The following MAP7 variants were observed in gnomAD, a reference collection of about 807,000 sequenced individuals.
MAP7 encodes ensconsin.
In MAP7, 52 loss-of-function variants were observed where a neutral mutation model predicts 94.8. That is an observed-to-expected ratio of 0.55 (90% CI 0.44 to 0.69). MAP7 has a LOEUF of 0.69. MAP7 is among the 30% of genes least tolerant of loss of function. The pLI, the probability that MAP7 is intolerant of heterozygous loss-of-function variation, is 0.00. For synonymous variants in MAP7, 350 were observed against 357.0 expected, an observed-to-expected ratio of 0.98 and a Z score of 0.22; for missense variants, 940 against 964.6, an observed-to-expected ratio of 0.97 and a Z score of 0.34.
At chr6:136,416,674 T>C (rs1279686010) in intron 2 of MAP7, among the ~76,000 whole-genome samples, 1 of 151,846 alleles carries the variant, frequency 6.6e-6, no homozygotes, top group African/African-American at 2.4e-5. Context: ...GGCACAGTGG[T>C]GCACGCCTGT....
chr6:136,426,418 G>T (rs1268730498), intron 1 of MAP7, among the ~76,000 whole-genome samples: 1 of 152,192 alleles, frequency 6.6e-6, no homozygotes, highest in Non-Finnish European at 1.5e-5. Flanking sequence ...TCCTTTGGAG[G>T]AGAGACAGTG....
chr6:136,410,862 G>C (rs1180588771), intron 3 of MAP7, among the ~76,000 whole-genome samples: 1 of 152,198 alleles, frequency 6.6e-6, no homozygotes, highest in Non-Finnish European at 1.5e-5. Context: ...TTGATACCCT[G>C]TCAGTCTAGT....
rs6939397 is a variant in MAP7 at position 136,403,268 on chromosome 6, C to T, written c.244+8352G>A. Among the ~76,000 whole-genome samples, 465 of 152,320 alleles carry T rather than the reference C, an allele frequency of 3.1e-3. 2 individuals carry two copies. The highest frequency in any genetic ancestry group is 0.011 in the African/African-American group (446 of 41,564). ...GACCTGCCATCCTCATCTTTATCACCGTCATCATCATGGTGAGATGTCGTC... is the reference window on the plus strand; with the variant it reads ...GACCTGCCATCCTCATCTTTATCACTGTCATCATCATGGTGAGATGTCGTC... On this transcript the variant is annotated intron_variant, in intron 3 of 17. Coordinates refer to ENST00000354570, the MANE Select transcript of MAP7 (RefSeq NM_003980.6).
intron 16 of MAP7, 106 bp downstream of exon 16, chr6:136,356,586 G>A: frequency 2.5e-6 from 2 of 810,602 alleles, no homozygotes; most frequent in Non-Finnish European, 4.0e-6. Flanking sequence ...AATCAATGAG[G>A]CCCCCCCCAA....
At chr6:136,474,721 C>CTT (rs55694865) in intron 1 of MAP7, among the ~76,000 whole-genome samples, 7 of 145,170 alleles carry the variant, frequency 4.8e-5, no homozygotes, top group African/African-American at 1.5e-4. Flanking sequence ...CAATCTAAAA[C>CTT]TTTTTTTTTT....
At chr6:136,407,414 G>C (rs1349210262) in intron 3 of MAP7, among the ~76,000 whole-genome samples, 11 of 152,172 alleles carry the variant, frequency 7.2e-5, no homozygotes, top group Admixed American at 7.2e-4. Context: ...TTTCTAAAAG[G>C]AGATTTTCTA....
In MAP7 at chr6:136,345,972, T is replaced by C; in HGVS notation, c.2123A>G (p.Asp708Gly). The C allele has an allele frequency of 6.2e-7, 1 of 1,613,814 alleles. No homozygotes were observed. Among genetic ancestry groups the C allele is most frequent in the Non-Finnish European group, 8.5e-7 (1 of 1,179,674 alleles). The change falls in exon 17 of 18, where the codon GAT (aspartate) becomes GGT (glycine). Residue 708 changes from aspartate to glycine, a missense_variant. Asp to Gly is a moderately conservative substitution (Grantham distance 94). Transcript: ENST00000354570. ...TTCTGGGCTCTCACTGTTGGTGACA[T>C]CTAATCTGGATGGTTTAGATCCAAT... ...LPIGSKPSRL[D>G]VTNSESPEIP... is the part of the protein sequence containing the mutation.
intron 16 of MAP7, among the ~76,000 whole-genome samples, chr6:136,350,143 G>C (rs1788751790): frequency 2.0e-5 from 3 of 152,146 alleles, no homozygotes; most frequent in Non-Finnish European, 4.4e-5. Context: ...CACTATACTT[G>C]CATGATCTGT....
intron 1 of MAP7, among the ~76,000 whole-genome samples, chr6:136,484,852 T>C (rs1164830512): frequency 6.6e-6 from 1 of 152,048 alleles, no homozygotes. Context: ...AGTACCAGGC[T>C]AGGTTAATTT....
intron 1 of MAP7, among the ~76,000 whole-genome samples, chr6:136,474,300 G>A (rs2327732): frequency 0.017 from 2,601 of 152,284 alleles, 91 homozygotes; most frequent in East Asian, 0.13. Context: ...TGTCCTATTA[G>A]TCTAAAAGGT....
intron 13 of MAP7, among the ~76,000 whole-genome samples, chr6:136,360,380 G>A (rs1261496888): frequency 2.0e-5 from 3 of 152,002 alleles, no homozygotes; most frequent in African/African-American, 4.8e-5. Context: ...TCCTGACTTC[G>A]GTGATCTACC....
chr6:136,431,024 G>A (rs1190162484), intron 1 of MAP7, among the ~76,000 whole-genome samples: 2 of 152,156 alleles, frequency 1.3e-5, no homozygotes, highest in African/African-American at 2.4e-5. Flanking sequence ...GAGGGGCCAC[G>A]CTTGACGATG....
chr6:136,435,413 G>T (rs1796132013), intron 1 of MAP7, among the ~76,000 whole-genome samples: 1 of 152,202 alleles, frequency 6.6e-6, no homozygotes, highest in South Asian at 2.1e-4. Context: ...CGGAAAGGAA[G>T]ATGTCTAAAG....
intron 1 of MAP7, chr6:136,525,727 TC>T: frequency 7.8e-7 from 1 of 1,284,638 alleles, no homozygotes; most frequent in Non-Finnish European, 1.0e-6. Flanking sequence ...TCACAAGCAC[TC>T]CCTGGAGCAT....
At chr6:136,511,786 A>T (rs1392627479) in intron 1 of MAP7, among the ~76,000 whole-genome samples, 1 of 152,256 alleles carries the variant, frequency 6.6e-6, no homozygotes, top group South Asian at 2.1e-4. Context: ...TATGGTCATG[A>T]TAACTGAATT....
chr6:136,349,760 C>T (rs550721089), intron 16 of MAP7, among the ~76,000 whole-genome samples: 14 of 152,086 alleles, frequency 9.2e-5, no homozygotes, highest in Non-Finnish European at 1.6e-4. Context: ...CAGTGGGGAA[C>T]CTGTCAGGGG....
intron 1 of MAP7, among the ~76,000 whole-genome samples, chr6:136,533,825 C>G (rs1045224452): frequency 6.6e-6 from 1 of 152,158 alleles, no homozygotes; most frequent in Non-Finnish European, 1.5e-5. Flanking sequence ...TTCATAAGAT[C>G]GGCTCCCATG....
At chr6:136,471,509 C>T (rs1396247807) in intron 1 of MAP7, among the ~76,000 whole-genome samples, 7 of 152,010 alleles carry the variant, frequency 4.6e-5, no homozygotes, top group Non-Finnish European at 1.0e-4. Context: ...TTTAGAGAGT[C>T]TCTAGAGGAC....
intron 1 of MAP7, among the ~76,000 whole-genome samples, chr6:136,542,589 A>G (rs10080675): frequency 0.12 from 17,640 of 152,184 alleles, 2,559 homozygotes; most frequent in African/African-American, 0.34. Flanking sequence ...TTAAGGAGGA[A>G]GAGAGAACTT....
Sources: allele counts gnomAD v4.1 joint callset (sites outside exome capture counted in the v4.1 genomes callset), GRCh38; gene constraint gnomAD v4.1.1; transcripts MANE v1.5; gene names NCBI Gene and HGNC (gene_info 2026-07-23, HGNC 2026-07-21).